Variants in OR1I1 observed in about 807,000 individuals in gnomAD.
The protein encoded by OR1I1 is olfactory receptor 1I1.
For missense variants in OR1I1, 451 were observed against 443.6 expected, an observed-to-expected ratio of 1.02 and a Z score of -0.15; for synonymous variants, 171 against 181.4, an observed-to-expected ratio of 0.94 and a Z score of 0.46.
Position 15,088,399 on chromosome 19 carries a change from C to G in OR1I1, c.*266C>G. ...GGTGTGGAAGCTCAAGCCTGTGATC[C>G]CAGCATTTTGGGAGGCCAAGGTGGA... is the stretch of plus-strand genomic sequence containing the variant. On this transcript the variant is annotated 3_prime_UTR_variant, in exon 2 of 2. Transcript: ENST00000641398. 1 of 387,848 alleles carries G rather than the reference C, an allele frequency of 2.6e-6. No homozygotes were observed. Among genetic ancestry groups the G allele is most frequent in the Non-Finnish European group, 4.7e-6 (1 of 213,914 alleles). 24.0% of individuals were successfully genotyped at this position (387,848 alleles called of 1,614,324 possible).
rs1377148929 is a variant in OR1I1 at position 15,092,121 on chromosome 19, T to G, written c.*3988T>G. 14 of 36,052 alleles carry G rather than the reference T, an allele frequency of 3.9e-4. No individual in the cohort carries two copies. The highest frequency in any genetic ancestry group is 6.9e-4 in the African/African-American group (13 of 18,856). The allele number at this position is 36,052 out of a possible 1,614,324, so 2.2% of individuals were successfully genotyped here. ...TTTTTTTTTTTTTTTGGTTTTTGGT[T>G]GTTTTTTTTTTTTCCCCGGAAACTT... On this transcript the variant is annotated 3_prime_UTR_variant, in exon 2 of 2. Coordinates refer to ENST00000641398, the MANE Select transcript of OR1I1 (RefSeq NM_001004713.2).
rs200809791 is a variant in OR1I1, at chr19:15,087,233, C to G, written c.168C>G (p.His56Gln). ...CCATCATCACGGACTCTCACCTCCA[C>G]ACACCCATGTACTTCTTTCTCTTCA... Reference protein sequence around the residue: ...ILAIITDSHLHTPMYFFLFNL... With the variant: ...ILAIITDSHLQTPMYFFLFNL... Residue 56 changes from histidine to glutamine, a missense_variant, in exon 2 of 2, where the codon CAC becomes CAG. Transcript: ENST00000641398. 175 of 1,614,020 alleles carry G rather than the reference C, an allele frequency of 1.1e-4. No homozygotes were observed. The highest frequency in any genetic ancestry group is 6.9e-5 in the Non-Finnish European group (82 of 1,180,014).
At chr19:15,084,048 A>C (rs963146409) in intron 1 of OR1I1, among the ~76,000 whole-genome samples, 2 of 152,200 alleles carry the variant, frequency 1.3e-5, no homozygotes, top group African/African-American at 4.8e-5. Context: ...TGTTGACAGC[A>C]CAGAATTTAG....
Position 15,087,762 on chromosome 19 carries a change from GGCAA to G in OR1I1, c.699_702del (p.Lys234GlyfsTer42), listed in dbSNP as rs1568322636. ...AGTCTTTAAGATCCCTTCTACTCGG[GGCAA>G]GTGGAAAGCCTTCTCCACCTGTGGC... On this transcript the variant is annotated frameshift_variant, in exon 2 of 2. Coordinates refer to ENST00000641398, the MANE Select transcript of OR1I1 (RefSeq NM_001004713.2). LOFTEE classifies it low-confidence loss of function (END_TRUNC). 1 of 1,614,130 alleles carries G rather than the reference GGCAA, an allele frequency of 6.2e-7. No individual in the cohort carries two copies. The highest frequency in any genetic ancestry group is 8.5e-7 in the Non-Finnish European group (1 of 1,180,024).
intron 1 of OR1I1, among the ~76,000 whole-genome samples, chr19:15,082,609 G>C (rs2046213779): frequency 6.6e-6 from 1 of 152,094 alleles, no homozygotes; most frequent in Non-Finnish European, 1.5e-5. Context: ...TGCACAGATA[G>C]GAGAGGTCTT....
At position 15,090,600 on chromosome 19, in the gene OR1I1, T is replaced by A. The variant is rs942500308; in HGVS notation, c.*2467T>A. ...ATGGTAATTTTTAAATTTTTTTTTC[T>A]TTTAGAGACAGACAGGATCTACTGT... On this transcript the variant is annotated 3_prime_UTR_variant, in exon 2 of 2. Transcript: ENST00000641398. 6.6e-6 allele frequency: 1 copy of A among 152,184 alleles called. No homozygotes were observed. The highest frequency in any genetic ancestry group is 2.4e-5 in the African/African-American group (1 of 41,444). 9.4% of individuals were successfully genotyped at this position (152,184 alleles called of 1,614,324 possible). A position where few individuals can be genotyped will look rare whatever the true frequency, so the allele number is the denominator to read the frequency against.
Position 15,087,708 on chromosome 19 carries a change from C to A in OR1I1, c.643C>A (p.Leu215Ile). Residue 215 changes from leucine to isoleucine, a missense_variant, in exon 2 of 2, where the codon CTT becomes ATT. Physicochemically the swap from Leu to Ile is conservative, Grantham distance 5. Coordinates refer to ENST00000641398, the MANE Select transcript of OR1I1 (RefSeq NM_001004713.2). ...VVGTSPFSCI[L>I]LSYIRIFWTV... Reference sequence around the variant, plus strand: ...GGGCACCAGCCCATTCTCCTGCATCCTTCTCTCGTACATCCGCATTTTCTG... The same window carrying A: ...GGGCACCAGCCCATTCTCCTGCATCATTCTCTCGTACATCCGCATTTTCTG... 6.2e-7 allele frequency: 1 copy of A among 1,614,212 alleles called. No homozygotes were observed. Among genetic ancestry groups the A allele is most frequent in the Non-Finnish European group, 8.5e-7 (1 of 1,180,036 alleles).
At chr19:15,085,510 C>A (rs2046227248) in intron 1 of OR1I1, among the ~76,000 whole-genome samples, 1 of 151,540 alleles carries the variant, frequency 6.6e-6, no homozygotes, top group Admixed American at 6.6e-5. Context: ...CCATTATCAG[C>A]CTCAGAACAT....
rs1568322786 is a variant in OR1I1 at position 15,088,085 on chromosome 19, C to T, written c.1020C>T (p.Pro340=). 1 of 1,570,860 alleles carries T rather than the reference C, an allele frequency of 6.4e-7. No individual in the cohort carries two copies. The change falls in exon 2 of 2, where the codon CCC becomes CCT. Residue 340 remains proline (P), a synonymous_variant. Transcript: ENST00000641398. ...AARDTEMHPI[P]YPGGVQSLAG... is the part of the protein sequence containing the mutation. ...GGGACACAGAGATGCATCCCATCCC[C>T]TACCCTGGAGGAGTTCAGAGTCTAG...
chr19:15,085,905 A>G (rs905867887), intron 1 of OR1I1, among the ~76,000 whole-genome samples: 2 of 152,182 alleles, frequency 1.3e-5, no homozygotes, highest in African/African-American at 4.8e-5. Context: ...TCCATTGTAT[A>G]TTCCTACCAC....
Position 15,087,655 on chromosome 19 carries a change from T to A in OR1I1, c.590T>A (p.Leu197Gln). 1 of 1,614,228 alleles carries A rather than the reference T, an allele frequency of 6.2e-7. No homozygotes were observed. The change falls in exon 2 of 2, where the codon CTG becomes CAG. Residue 197 changes from leucine to glutamine, a missense_variant. Coordinates refer to ENST00000641398, the MANE Select transcript of OR1I1 (RefSeq NM_001004713.2). ...LSGSDTHTNE[L>Q]VIFAFGIVVG... ...GGCTCAGACACGCACACCAACGAGCTGGTGATCTTTGCTTTTGGCATTGTC... is the reference window on the plus strand; with the variant it reads ...GGCTCAGACACGCACACCAACGAGCAGGTGATCTTTGCTTTTGGCATTGTC...
At position 15,088,300 on chromosome 19, in the gene OR1I1, A is replaced by G; in HGVS notation, c.*167A>G. ...AGCCCTCCTGGAGGATCAGCCTTTT[A>G]GGATTGCTATGTGAATAAGAGTAGT... On this transcript the variant is annotated 3_prime_UTR_variant, in exon 2 of 2. Coordinates refer to ENST00000641398, the MANE Select transcript of OR1I1 (RefSeq NM_001004713.2). The G allele has an allele frequency of 1.3e-6, 1 of 747,104 alleles. No homozygotes were observed. The highest frequency in any genetic ancestry group is 2.1e-6 in the Non-Finnish European group (1 of 476,212). 46.3% of individuals were successfully genotyped at this position (747,104 alleles called of 1,614,324 possible). A position where few individuals can be genotyped will look rare whatever the true frequency, so the allele number is the denominator to read the frequency against.
At chr19:15,083,646 A>C (rs1599309265) in intron 1 of OR1I1, among the ~76,000 whole-genome samples, 2 of 152,280 alleles carry the variant, frequency 1.3e-5, no homozygotes, top group East Asian at 3.9e-4. Context: ...TACCAAGGAG[A>C]TTATGCTGCT....
intron 1 of OR1I1, among the ~76,000 whole-genome samples, 178 bp downstream of exon 1, chr19:15,082,454 C>A (rs1175200040): frequency 1.3e-4 from 19 of 151,814 alleles, no homozygotes; most frequent in Admixed American, 6.6e-4. Flanking sequence ...GGAGAGGAAT[C>A]TGTCTCCTTC....
At chr19:15,086,248 A>C (rs2046229700) in intron 1 of OR1I1, among the ~76,000 whole-genome samples, 1 of 152,056 alleles carries the variant, frequency 6.6e-6, no homozygotes, top group South Asian at 2.1e-4. Flanking sequence ...CAGGAGGCAG[A>C]GGTTGTAGTG....
Position 15,089,425 on chromosome 19 carries a change from C to G in OR1I1, c.*1292C>G, listed in dbSNP as rs2145306482. 6.6e-6 allele frequency: 1 copy of G among 152,296 alleles called. No homozygotes were observed. Among genetic ancestry groups the G allele is most frequent in the African/African-American group, 2.4e-5 (1 of 41,534 alleles). 9.4% of individuals were successfully genotyped at this position (152,296 alleles called of 1,614,324 possible). A position where few individuals can be genotyped will look rare whatever the true frequency, so the allele number is the denominator to read the frequency against. ...TTCCTGTGACATTCATCGCCTGACT[C>G]TGAACCCAGTATGATTCTACACGCA... On this transcript the variant is annotated 3_prime_UTR_variant, in exon 2 of 2. Coordinates refer to ENST00000641398, the MANE Select transcript of OR1I1 (RefSeq NM_001004713.2).
At position 15,087,447 on chromosome 19, in the gene OR1I1, C is replaced by T; in HGVS notation, c.382C>T (p.His128Tyr). The T allele has an allele frequency of 1.2e-6, 2 of 1,614,090 alleles. No individual in the cohort carries two copies. Among genetic ancestry groups the T allele is most frequent in the Non-Finnish European group, 1.7e-6 (2 of 1,179,972 alleles). ...CATCGACCGCTTCGTGGCCATTGTC[C>T]ACCCACAGCGTTACTTGGTTCTCAT... is the stretch of plus-strand genomic sequence containing the variant. ...MAIDRFVAIVHPQRYLVLMCS... is the reference protein window; with the variant it reads ...MAIDRFVAIVYPQRYLVLMCS... Residue 128 changes from histidine (H) to tyrosine (Y), a missense_variant, in exon 2 of 2, where the codon CAC becomes TAC. Transcript: ENST00000641398.
intron 1 of OR1I1, among the ~76,000 whole-genome samples, chr19:15,085,401 A>C (rs1337749923): frequency 6.6e-6 from 1 of 151,382 alleles, no homozygotes; most frequent in Non-Finnish European, 1.5e-5. Context: ...CAAACTCCTG[A>C]CCTCAGGTGA....
chr19:15,085,263 C>T (rs756189740), intron 1 of OR1I1, among the ~76,000 whole-genome samples: 1 of 148,632 alleles, frequency 6.7e-6, no homozygotes, highest in East Asian at 2.0e-4. Context: ...TTCTGCCTCC[C>T]AGGTTCAAGC....
Sources: allele counts gnomAD v4.1 joint callset (sites outside exome capture counted in the v4.1 genomes callset), GRCh38; gene constraint gnomAD v4.1.1; transcripts MANE v1.5; gene names NCBI Gene and HGNC (gene_info 2026-07-23, HGNC 2026-07-21).